The following KLHL5 variants were observed in gnomAD, a reference collection of about 807,000 sequenced individuals.
KLHL5 encodes the protein kelch like family member 5.
In KLHL5, 48 loss-of-function variants were observed where a neutral mutation model predicts 77.7. The ratio of observed to expected loss-of-function variants is 0.62; its 90% CI spans 0.49 to 0.79. KLHL5 has a LOEUF of 0.79. Among genes scored for constraint, KLHL5 ranks in the 30% least tolerant of loss-of-function variants. KLHL5 has a pLI of 0.00. For synonymous variants in KLHL5, 260 were observed against 297.0 expected (o/e 0.88, Z 1.28); for missense variants, 723 against 859.7 (o/e 0.84, Z 1.99).
chr4:39,045,867 C>T (rs1347702033), intron 1 of KLHL5, among the ~76,000 whole-genome samples: 1 of 151,256 alleles, frequency 6.6e-6, no homozygotes, highest in South Asian at 2.1e-4. Context: ...TGTCTTCTTC[C>T]AGAGGTTAGA....
chr4:39,083,783 G>A (rs554117959), intron 4 of KLHL5, among the ~76,000 whole-genome samples: 2 of 152,182 alleles, frequency 1.3e-5, no homozygotes, highest in Admixed American at 6.5e-5. Flanking sequence ...ATGCATTTAG[G>A]TCACTCCTGT....
intron 1 of KLHL5, among the ~76,000 whole-genome samples, chr4:39,054,661 C>T (rs1367083564): frequency 6.6e-6 from 1 of 152,222 alleles, no homozygotes; most frequent in Admixed American, 6.5e-5. Context: ...GACTCAGGCT[C>T]TTTCTGCTGT....
intron 10 of KLHL5, among the ~76,000 whole-genome samples, chr4:39,117,641 A>G (rs1052034235): frequency 4.6e-5 from 7 of 152,228 alleles, no homozygotes; most frequent in African/African-American, 1.7e-4. Flanking sequence ...AGAAGTTCTC[A>G]GAAGACAATG....
Position 39,107,557 on chromosome 4 carries a change from GTCT to G in KLHL5, c.1526-11_1526-9del. The G allele has an allele frequency of 6.4e-7, 1 of 1,571,862 alleles. No homozygotes were observed. The highest frequency in any genetic ancestry group is 8.7e-7 in the Non-Finnish European group (1 of 1,154,718). ...AATCTGAAGTCGTTAATTGTTTCCT[GTCT>G]CCTCATAGGTGTGGCTGTACTGGAA... On this transcript the variant is annotated splice_polypyrimidine_tract_variant and intron_variant, in intron 7 of 10. Coordinates refer to ENST00000504108, the MANE Select transcript of KLHL5 (RefSeq NM_015990.5).
chr4:39,076,118 C>G lies in KLHL5; in HGVS notation c.537C>G (p.Val179=), dbSNP rs151171232. 6.2e-7 allele frequency: 1 copy of G among 1,603,900 alleles called. No homozygotes were observed. The highest frequency in any genetic ancestry group is 1.3e-5 in the African/African-American group (1 of 74,192). ...RHKQLCDVIL[V]AGDRRIPAHR... ...AACAGTTGTGTGATGTAATTTTAGTCGCTGGTGATCGCAGAATTCCAGCTC... is the reference window on the plus strand; with the variant it reads ...AACAGTTGTGTGATGTAATTTTAGTGGCTGGTGATCGCAGAATTCCAGCTC... The change falls in exon 2 of 11, where the codon GTC becomes GTG. Residue 179 remains valine, a synonymous_variant. Transcript: ENST00000504108.
rs1723269544 is a variant in KLHL5 at position 39,122,569 on chromosome 4, G to A, written c.*1503G>A. Among the ~76,000 whole-genome samples the A allele has an allele frequency of 6.6e-6, 1 of 152,158 alleles. No individual in the cohort carries two copies. Among genetic ancestry groups the A allele is most frequent in the African/African-American group, 2.4e-5 (1 of 41,438 alleles). ...CCTATAATTCCCAGCACTTTGGGAG[G>A]CTGAGGTGGGCGGATCACGAGGTCA... On this transcript the variant is annotated 3_prime_UTR_variant, in exon 11 of 11. Coordinates refer to ENST00000504108, the MANE Select transcript of KLHL5 (RefSeq NM_015990.5).
In KLHL5 at chr4:39,096,719, C is replaced by T. The variant is rs1366685889; in HGVS notation, c.1141C>T (p.Leu381Phe). Reference protein sequence around the residue: ...QFLADMENNVLFRDDIECQKL... With the variant: ...QFLADMENNVFFRDDIECQKL... The stretch of plus-strand genomic sequence containing the variant: ...CCTGGCAGACATGGAAAATAATGTA[C>T]TTTTTCGGGATGATATAGAATGTCA... Residue 381 changes from leucine (L) to phenylalanine (F), a missense_variant, in exon 6 of 11, where the codon CTT becomes TTT. Leu to Phe is a conservative substitution (Grantham distance 22). Around this residue, in one of 3 missense-constraint regions of KLHL5, gnomAD observed 288 missense variants for 400.3 expected, o/e 0.72. Transcript: ENST00000504108. The T allele has an allele frequency of 1.2e-6, 2 of 1,612,344 alleles. No individual in the cohort carries two copies. Among genetic ancestry groups the T allele is most frequent in the African/African-American group, 1.3e-5 (1 of 74,786 alleles).
chr4:39,061,164 C>T (rs778626952), upstream of KLHL5, among the ~76,000 whole-genome samples: 2 of 152,134 alleles, frequency 1.3e-5, no homozygotes, highest in African/African-American at 2.4e-5. Flanking sequence ...TGGTTTTTCC[C>T]GTATTATTTA....
chr4:39,120,212 T>C (rs1205386244), intron 10 of KLHL5: 2 of 152,260 alleles, frequency 1.3e-5, no homozygotes, highest in Non-Finnish European at 2.9e-5. Context: ...TCTTACTGTG[T>C]TCAGAGTAAT....
At chr4:39,076,630 A>G (rs369341913) in intron 2 of KLHL5, among the ~76,000 whole-genome samples, 4 of 152,242 alleles carry the variant, frequency 2.6e-5, no homozygotes, top group Middle Eastern at 3.4e-3. Context: ...TACAAATTAC[A>G]TATTATTTCT....
intron 8 of KLHL5, among the ~76,000 whole-genome samples, chr4:39,108,896 T>A (rs4974931): frequency 3.3e-5 from 5 of 152,048 alleles, no homozygotes; most frequent in African/African-American, 4.8e-5. Flanking sequence ...CTGCCTTCTC[T>A]AAAACCTGAT....
intron 1 of KLHL5, chr4:39,063,665 A>G (rs1717629466): frequency 5.2e-6 from 2 of 386,000 alleles, no homozygotes; most frequent in Non-Finnish European, 1.1e-5. Flanking sequence ...AATGTGTGCT[A>G]TTTAGGGAAA....
intron 5 of KLHL5, among the ~76,000 whole-genome samples, chr4:39,089,407 T>C (rs2109422462): frequency 6.6e-6 from 1 of 152,216 alleles, no homozygotes; most frequent in East Asian, 1.9e-4. Context: ...CACCTTTAAT[T>C]CTTTTAGAGT....
At position 39,086,518 on chromosome 4, in the gene KLHL5, C is replaced by T. The variant is rs765552522; in HGVS notation, c.904C>T (p.His302Tyr). 6.2e-7 allele frequency: 1 copy of T among 1,611,540 alleles called. No individual in the cohort carries two copies. Among genetic ancestry groups the T allele is most frequent in the Non-Finnish European group, 8.5e-7 (1 of 1,177,750 alleles). Residue 302 changes from histidine (H) to tyrosine (Y), a missense_variant, in exon 5 of 11, where the codon CAT (histidine) becomes TAT (tyrosine). By Grantham distance (83) the His-to-Tyr change is moderately conservative. Around this residue, in one of 3 missense-constraint regions of KLHL5, gnomAD observed 288 missense variants for 400.3 expected, o/e 0.72. Coordinates refer to ENST00000504108, the MANE Select transcript of KLHL5 (RefSeq NM_015990.5). ...ATCTGCTATTTCTTCCCTCTAGGAG[C>T]ATTTCATGGAAGTAATCAGAAACCA... Reference protein sequence around the residue: ...HKVAHNYTMEHFMEVIRNQEF... With the variant: ...HKVAHNYTMEYFMEVIRNQEF...
intron 8 of KLHL5, among the ~76,000 whole-genome samples, chr4:39,110,765 G>A (rs1296974408): frequency 6.6e-6 from 1 of 152,142 alleles, no homozygotes; most frequent in East Asian, 1.9e-4. Flanking sequence ...ACCGTGCCCA[G>A]CCTACTTGCA....
chr4:39,103,056 A>G (rs1721733174), intron 6 of KLHL5, among the ~76,000 whole-genome samples: 1 of 152,090 alleles, frequency 6.6e-6, no homozygotes, highest in Non-Finnish European at 1.5e-5. Context: ...TTTGACAGTT[A>G]ATCCTTGTCC....
At chr4:39,091,908 C>G (rs1267042112) in intron 5 of KLHL5, among the ~76,000 whole-genome samples, 1 of 122,228 alleles carries the variant, frequency 8.2e-6, no homozygotes, top group South Asian at 2.8e-4. Flanking sequence ...CTCTCTCAAA[C>G]TCCTGGCCTC....
At chr4:39,136,223 G>A in the KLHL5 span, among the ~76,000 whole-genome samples, 43 of 151,962 alleles carry the variant, frequency 2.8e-4, 1 homozygote, top group South Asian at 7.7e-3. Context: ...TCAGTGACAT[G>A]ATCTCTGCTC....
intron 1 of KLHL5, among the ~76,000 whole-genome samples, chr4:39,075,026 A>G (rs963241728): frequency 6.6e-6 from 1 of 152,138 alleles, no homozygotes; most frequent in African/African-American, 2.4e-5. Flanking sequence ...TTTTATCAGT[A>G]AATCATATGA....
Sources: gnomAD v4.1 joint callset for allele counts (sites outside exome capture counted in the v4.1 genomes callset) on GRCh38, gnomAD v4.1.1 for gene constraint, gnomAD v4.1.1 regional missense constraint, MANE v1.5 for transcripts, NCBI Gene and HGNC (gene_info 2026-07-23, HGNC 2026-07-21) for gene names.